The following DYSF variants were observed in gnomAD, a reference collection of about 807,000 sequenced individuals.
The protein encoded by DYSF is dysferlin.
DYSF carries 212 observed loss-of-function variants against 274.9 expected under a neutral mutation model. The observed-to-expected ratio is 0.77, with a 90% confidence interval of 0.69 to 0.86. DYSF has a LOEUF of 0.86. Ranked by LOEUF, DYSF falls within the 40% of genes least tolerant of loss-of-function variation. The pLI is 0.00. For missense variants in DYSF, 2,666 were observed against 2,783.2 expected, an observed-to-expected ratio of 0.96 and a Z score of 0.95; for synonymous variants, 1,091 against 1,078.7, an observed-to-expected ratio of 1.01 and a Z score of -0.22.
rs2093540848 is a variant in DYSF, at chr2:71,601,168, C to G, written c.3897+326C>G. ...ACAGGCAAGGGCAGGATCCCCGTTGCATTGCTGGCTTCACCATGACCTAGC... is the reference window on the plus strand; with the variant it reads ...ACAGGCAAGGGCAGGATCCCCGTTGGATTGCTGGCTTCACCATGACCTAGC... On this transcript the variant is annotated intron_variant, in intron 34 of 55. Transcript: ENST00000410020. 5 of 586,990 alleles carry G rather than the reference C, an allele frequency of 8.5e-6. No individual in the cohort carries two copies. In the South Asian group the frequency reaches 1.0e-4, roughly 12 times the overall value. The allele number at this position is 586,990 out of a possible 1,614,324, so 36.4% of individuals were successfully genotyped here. A position where few individuals can be genotyped will look rare whatever the true frequency, so the allele number is the denominator to read the frequency against.
At chr2:71,526,672 C>A (rs986433605) in intron 13 of DYSF, among the ~76,000 whole-genome samples, 4 of 152,234 alleles carry the variant, frequency 2.6e-5, no homozygotes, top group African/African-American at 4.8e-5. Flanking sequence ...GGCTGGCTCT[C>A]ACTGATTTTC....
chr2:71,565,472 C>G (rs1356648444), intron 24 of DYSF, among the ~76,000 whole-genome samples: 6 of 152,142 alleles, frequency 3.9e-5, no homozygotes, highest in African/African-American at 1.4e-4. Flanking sequence ...TTTCATCCAG[C>G]CTAGTCCACC....
chr2:71,518,728 G>T (rs1007012059), intron 10 of DYSF, among the ~76,000 whole-genome samples: 1 of 151,812 alleles, frequency 6.6e-6, no homozygotes, highest in East Asian at 1.9e-4. Flanking sequence ...TTTTAAATAT[G>T]AATTTAAAAT....
intron 14 of DYSF, among the ~76,000 whole-genome samples, chr2:71,534,059 T>C (rs1442843664): frequency 3.3e-5 from 5 of 152,094 alleles, no homozygotes; most frequent in Non-Finnish European, 7.4e-5. Context: ...TCTGGGGCTC[T>C]TTTTACAGGG....
At chr2:71,494,961 C>T (rs2084228798) in intron 3 of DYSF, among the ~76,000 whole-genome samples, 1 of 152,146 alleles carries the variant, frequency 6.6e-6, no homozygotes, top group Non-Finnish European at 1.5e-5. Context: ...AAGTCATGGT[C>T]TAATATGGTG....
chr2:71,618,270 T>G (rs1574392758), intron 40 of DYSF, among the ~76,000 whole-genome samples: 6 of 16,500 alleles, frequency 3.6e-4, no homozygotes, highest in Non-Finnish European at 5.7e-4. Context: ...GGTAGAGGTG[T>G]GTGTGTGTGG....
At chr2:71,503,968 C>T (rs2085233472) in intron 4 of DYSF, among the ~76,000 whole-genome samples, 1 of 152,274 alleles carries the variant, frequency 6.6e-6, no homozygotes, top group East Asian at 1.9e-4. Flanking sequence ...CCAGGATGTA[C>T]CAGGAACCAT....
At chr2:71,480,386 A>G (rs202130304) in intron 1 of DYSF, among the ~76,000 whole-genome samples, 52 of 131,242 alleles carry the variant, frequency 4.0e-4, no homozygotes, top group African/African-American at 7.3e-4. Context: ...ACACACACGC[A>G]CACACACACA....
intron 1 of DYSF, among the ~76,000 whole-genome samples, chr2:71,472,697 C>T (rs62143760): frequency 0.26 from 39,555 of 152,158 alleles, 5,395 homozygotes; most frequent in Non-Finnish European, 0.3. Context: ...TGAGCCACCG[C>T]GCCAAGCCAA....
At chr2:71,485,863 C>A (rs1315227138) in intron 3 of DYSF, among the ~76,000 whole-genome samples, 2 of 152,118 alleles carry the variant, frequency 1.3e-5, no homozygotes, top group Non-Finnish European at 2.9e-5. Flanking sequence ...GCCCAGGCTG[C>A]AGTGCAGTGG....
intron 41 of DYSF, among the ~76,000 whole-genome samples, chr2:71,642,648 G>T (rs2094504816): frequency 1.3e-5 from 2 of 152,168 alleles, no homozygotes. Flanking sequence ...GCCTCACTCT[G>T]GTACACGTTC....
At chr2:71,463,683 G>A (rs2081380215), upstream of DYSF, among the ~76,000 whole-genome samples, 2 of 152,248 alleles carry the variant, frequency 1.3e-5, no homozygotes, top group African/African-American at 4.8e-5. Context: ...CAACTGGTCA[G>A]CAATTGGATC....
chr2:71,513,092 C>A (rs950688356), intron 5 of DYSF, 148 bp from the exon 6 acceptor site: 3 of 757,566 alleles, frequency 4.0e-6, no homozygotes, highest in Non-Finnish European at 4.6e-6. Flanking sequence ...GGAACAGGTG[C>A]CACTGGGCTC....
intron 30 of DYSF, among the ~76,000 whole-genome samples, chr2:71,582,106 CAAAAAAA>C (rs1159294834): frequency 5.7e-5 from 2 of 35,120 alleles, no homozygotes; most frequent in Non-Finnish European, 1.1e-4. Flanking sequence ...GACTCCGTCT[CAAAAAAA>C]AAAAAAAAAA....
intron 38 of DYSF, 133 bp from the exon 39 acceptor site, chr2:71,612,508 G>C: frequency 1.4e-6 from 2 of 1,397,622 alleles, no homozygotes; most frequent in Non-Finnish European, 2.0e-6. Flanking sequence ...GCCCAGCTCT[G>C]GGCCAGCCAC....
At chr2:71,619,618 C>T (rs1175525147) in intron 40 of DYSF, among the ~76,000 whole-genome samples, 1 of 152,196 alleles carries the variant, frequency 6.6e-6, no homozygotes, top group Non-Finnish European at 1.5e-5. Context: ...CCCGGCAGCT[C>T]TGGGTCCTAG....
At chr2:71,649,772 ATC>A (rs1294112561) in intron 42 of DYSF, among the ~76,000 whole-genome samples, 2 of 152,230 alleles carry the variant, frequency 1.3e-5, no homozygotes, top group Non-Finnish European at 2.9e-5. Flanking sequence ...GACCAAACAT[ATC>A]TGTCTTGTCA....
chr2:71,537,233 T>TTTTG (rs1559104940), intron 16 of DYSF, among the ~76,000 whole-genome samples: 5 of 142,994 alleles, frequency 3.5e-5, no homozygotes, highest in African/African-American at 5.3e-5. Context: ...GTTTTTTTTT[T>TTTTG]TTTTTTTTTT....
chr2:71,506,759 A>G (rs892390883), intron 4 of DYSF, among the ~76,000 whole-genome samples: 11 of 152,118 alleles, frequency 7.2e-5, no homozygotes, highest in Non-Finnish European at 1.6e-4. Context: ...CAGCAGAGCC[A>G]AAGAACTTCA....
Sources: allele counts gnomAD v4.1 joint callset (sites outside exome capture counted in the v4.1 genomes callset), GRCh38; gene constraint gnomAD v4.1.1; transcripts MANE v1.5; gene names NCBI Gene and HGNC (gene_info 2026-07-23, HGNC 2026-07-21).